XPNPEP3: variants seen among roughly 807,000 people sequenced by gnomAD.
The protein encoded by XPNPEP3 is xaa-Pro aminopeptidase 3.
XPNPEP3 carries 41 observed loss-of-function variants against 60.0 expected under a neutral mutation model. The observed-to-expected ratio is 0.68, with a 90% CI of 0.53 to 0.89. The LOEUF (loss-of-function observed/expected upper bound fraction) is 0.89. Among genes scored for constraint, XPNPEP3 ranks in the 40% least tolerant of loss-of-function variants. The pLI is 0.00. For synonymous variants in XPNPEP3, 212 were observed against 223.2 expected (o/e 0.95, Z 0.45); for missense variants, 598 against 638.9 (o/e 0.94, Z 0.69).
At chr22:40,898,068 A>C (rs1454260510) in intron 4 of XPNPEP3, among the ~76,000 whole-genome samples, 3 of 151,644 alleles carry the variant, frequency 2.0e-5, no homozygotes, top group Admixed American at 2.0e-4. Flanking sequence ...TTTAATGCTC[A>C]AAATGTTTTA....
chr22:40,912,876 A>G (rs2058181899), intron 6 of XPNPEP3, among the ~76,000 whole-genome samples: 1 of 152,192 alleles, frequency 6.6e-6, no homozygotes, highest in Non-Finnish European at 1.5e-5. Flanking sequence ...ATCTCAAAAA[A>G]AAAGTCAACA....
intron 4 of XPNPEP3, among the ~76,000 whole-genome samples, chr22:40,887,636 A>G (rs565705578): frequency 6.6e-6 from 1 of 152,288 alleles, no homozygotes; most frequent in South Asian, 2.1e-4. Context: ...TCCTAAAGAC[A>G]TAGAGATTAG....
intron 4 of XPNPEP3, among the ~76,000 whole-genome samples, chr22:40,892,476 C>T (rs532881095): frequency 1.3e-5 from 2 of 152,280 alleles, no homozygotes; most frequent in Admixed American, 1.3e-4. Flanking sequence ...TGAGCCACCA[C>T]GCCTGGCTGG....
chr22:40,907,587 G>C lies in XPNPEP3; in HGVS notation c.793G>C (p.Ala265Pro). The C allele has an allele frequency of 6.2e-7, 1 of 1,613,782 alleles. No homozygotes were observed. Among genetic ancestry groups the C allele is most frequent in the Non-Finnish European group, 8.5e-7 (1 of 1,179,762 alleles). The change falls in exon 5 of 10, where the codon GCT (alanine) becomes CCT (proline). Residue 265 changes from alanine to proline, a missense_variant and splice_region_variant. By Grantham distance (27) the Ala-to-Pro change is conservative. Transcript: ENST00000357137. ...MQIAGKLTSQ[A>P]FIETMFTSKA... The stretch of plus-strand genomic sequence containing the variant: ...TTTTCATCCTCCTTTCTCTTTGCAG[G>C]CTTTCATAGAAACCATGTTCACCAG...
chr22:40,892,046 C>G (rs922933899), intron 4 of XPNPEP3, among the ~76,000 whole-genome samples: 1 of 152,152 alleles, frequency 6.6e-6, no homozygotes, highest in Non-Finnish European at 1.5e-5. Flanking sequence ...TTTGGGCATG[C>G]TGTCATAGTG....
At chr22:40,858,345 G>A (rs1488642650) in intron 1 of XPNPEP3, among the ~76,000 whole-genome samples, 2 of 151,676 alleles carry the variant, frequency 1.3e-5, no homozygotes, top group Admixed American at 6.6e-5. Context: ...GGCCTCAAGC[G>A]ATCCACCCTC....
At chr22:40,871,670 A>G (rs1045537933) in intron 2 of XPNPEP3, among the ~76,000 whole-genome samples, 3 of 152,098 alleles carry the variant, frequency 2.0e-5, no homozygotes, top group Non-Finnish European at 2.9e-5. Flanking sequence ...ACATAGGTGT[A>G]TGTGTGTATA....
chr22:40,862,437 G>T, intron 1 of XPNPEP3: 2 of 987,318 alleles, frequency 2.0e-6, no homozygotes, highest in Non-Finnish European at 1.2e-6. Flanking sequence ...CTATGCTTTG[G>T]TTTAGAAAAA....
chr22:40,924,528 G>C (rs769397246), intron 9 of XPNPEP3, 46 bp downstream of exon 9: 1 of 1,610,344 alleles, frequency 6.2e-7, no homozygotes, highest in Non-Finnish European at 8.5e-7. Flanking sequence ...ATGTTTGTTT[G>C]TTTGTTTGTT....
chr22:40,861,304 C>G (rs2057944558), intron 1 of XPNPEP3: 2 of 1,614,170 alleles, frequency 1.2e-6, no homozygotes, highest in Non-Finnish European at 1.7e-6. Context: ...GCAAAGCCCT[C>G]TTCATTGGCC....
chr22:40,907,431 CAAAA>C (rs951661261), intron 4 of XPNPEP3, among the ~76,000 whole-genome samples, 152 bp from the exon 5 acceptor site: 3 of 151,242 alleles, frequency 2.0e-5, no homozygotes, highest in African/African-American at 4.8e-5. Flanking sequence ...AAAAAAAAAA[CAAAA>C]AAAACTGTAT....
At chr22:40,907,753 C>G in intron 5 of XPNPEP3, 104 bp downstream of exon 5, 1 of 1,094,830 alleles carries the variant, frequency 9.1e-7, no homozygotes, top group Non-Finnish European at 1.4e-6. Context: ...TGATGACCAG[C>G]ATGTCATTGG....
At chr22:40,877,341 C>T (rs937933037) in intron 2 of XPNPEP3, among the ~76,000 whole-genome samples, 7 of 152,166 alleles carry the variant, frequency 4.6e-5, no homozygotes, top group African/African-American at 1.7e-4. Flanking sequence ...AAGCAGACTT[C>T]TTTTCAAAAT....
chr22:40,875,676 A>T (rs1018112618), intron 2 of XPNPEP3, among the ~76,000 whole-genome samples: 86 of 152,050 alleles, frequency 5.7e-4, no homozygotes, highest in African/African-American at 2.0e-3. Flanking sequence ...AAAATCTTGA[A>T]ATATAATAAA....
rs768816481 is a variant in XPNPEP3, at chr22:40,926,421, A to C, written c.1510A>C (p.Ser504Arg). The C allele has an allele frequency of 6.2e-7, 1 of 1,614,156 alleles. No individual in the cohort carries two copies. ...KEMNDIEQIC[S>R]QAS ...GATGAATGACATTGAACAGATATGC[A>C]GCCAGGCTTCTTGACCTTCACTGCG... is the stretch of plus-strand genomic sequence containing the variant. The change falls in exon 10 of 10, where the codon AGC becomes CGC. Residue 504 changes from serine (S) to arginine (R), a missense_variant. Coordinates refer to ENST00000357137, the MANE Select transcript of XPNPEP3 (RefSeq NM_022098.4).
chr22:40,881,997 C>T lies in XPNPEP3; in HGVS notation c.409C>T (p.Gln137Ter). 2 of 1,614,138 alleles carry T rather than the reference C, an allele frequency of 1.2e-6. No individual in the cohort carries two copies. The highest frequency in any genetic ancestry group is 1.7e-6 in the Non-Finnish European group (2 of 1,180,020). Residue 137 changes from glutamine (Q) to a stop codon, truncating the protein, a stop_gained, in exon 3 of 10, where the codon CAG (glutamine) becomes TAG (stop). Transcript: ENST00000357137. LOFTEE classifies it high-confidence loss of function. ...AGAGCCTGATAGCATTCTTGTCCTT[C>T]AGAGCCTCCCTGGCAAACAATTACC... The part of the protein sequence containing the change: ...FQEPDSILVL[Q>*]SLPGKQLPSH...
intron 4 of XPNPEP3, among the ~76,000 whole-genome samples, chr22:40,900,141 A>G (rs186517589): frequency 1.3e-5 from 2 of 152,272 alleles, no homozygotes; most frequent in East Asian, 1.9e-4. Context: ...CTATTAGGAA[A>G]AAACATAAGG....
chr22:40,861,153 A>G (rs1298550957), intron 1 of XPNPEP3: 1 of 1,614,070 alleles, frequency 6.2e-7, no homozygotes, highest in Non-Finnish European at 8.5e-7. Context: ...TGCTGAGAAA[A>G]TAGGGGGATC....
At chr22:40,888,969 T>G (rs1418056718) in intron 4 of XPNPEP3, among the ~76,000 whole-genome samples, 2 of 152,196 alleles carry the variant, frequency 1.3e-5, no homozygotes, top group Non-Finnish European at 2.9e-5. Flanking sequence ...TGATTAGTGG[T>G]GTTGGGCATC....
Sources: gnomAD v4.1 joint callset for allele counts (sites outside exome capture counted in the v4.1 genomes callset) on GRCh38, gnomAD v4.1.1 for gene constraint, MANE v1.5 for transcripts, NCBI Gene and HGNC (gene_info 2026-07-23, HGNC 2026-07-21) for gene names.